Variants in RALYL observed in about 807,000 individuals in gnomAD.
RALYL encodes RNA-binding Raly-like protein.
A neutral mutation model predicts 35.1 loss-of-function variants in RALYL; 29 were observed. The ratio of observed to expected loss-of-function variants is 0.83; its 90% CI spans 0.61 to 1.13. The LOEUF (loss-of-function observed/expected upper bound fraction) is 1.13. RALYL is among the 50% of genes most tolerant of loss of function. The pLI is 0.00. For missense variants in RALYL, 359 were observed against 360.4 expected (o/e 1.00, Z 0.03); for synonymous variants, 120 against 127.6 (o/e 0.94, Z 0.40).
chr8:84,623,984 CTG>C (rs1417576321), intron 2 of RALYL, among the ~76,000 whole-genome samples: 1 of 152,090 alleles, frequency 6.6e-6, no homozygotes, highest in Non-Finnish European at 1.5e-5. Flanking sequence ...GTACTATTGT[CTG>C]TGTGAAATAA....
At chr8:84,311,090 A>AAAAAAAAAAAAAAAAAAAAAAATATAT (rs1554614840) in intron 1 of RALYL, among the ~76,000 whole-genome samples, 1 of 99,720 alleles carries the variant, frequency 1.0e-5, no homozygotes, top group African/African-American at 3.6e-5. Context: ...AAAAAAAAAA[A>AAAAAAAAAAAAAAAAAAAAAAATATAT]ATGTATATTA....
chr8:84,543,667 G>C (rs2060166641), intron 2 of RALYL, among the ~76,000 whole-genome samples: 1 of 151,874 alleles, frequency 6.6e-6, no homozygotes, highest in African/African-American at 2.4e-5. Context: ...TTATGACTTT[G>C]GCTTTGACAC....
chr8:84,747,440 G>C (rs1461106242), intron 2 of RALYL, among the ~76,000 whole-genome samples: 1 of 151,770 alleles, frequency 6.6e-6, no homozygotes, highest in Non-Finnish European at 1.5e-5. Context: ...AATTTTAAGA[G>C]ATTGAATTTC....
At chr8:84,591,239 A>G (rs1813191593) in intron 2 of RALYL, among the ~76,000 whole-genome samples, 1 of 152,194 alleles carries the variant, frequency 6.6e-6, no homozygotes. Context: ...AACGTAAGTC[A>G]GTTTTATGGA....
At chr8:84,478,203 G>A (rs2053637286) in intron 1 of RALYL, among the ~76,000 whole-genome samples, 1 of 151,954 alleles carries the variant, frequency 6.6e-6, no homozygotes, top group African/African-American at 2.4e-5. Context: ...ATGCTTATTT[G>A]TAATGTTTAT....
chr8:84,256,500 A>G (rs1831233551), intron 1 of RALYL, among the ~76,000 whole-genome samples: 1 of 152,072 alleles, frequency 6.6e-6, no homozygotes, highest in Non-Finnish European at 1.5e-5. Flanking sequence ...TCCTGTCCTG[A>G]GGACTTTTAG....
chr8:84,186,728 C>A (rs1777775387), intron 1 of RALYL, among the ~76,000 whole-genome samples: 1 of 152,028 alleles, frequency 6.6e-6, no homozygotes, highest in African/African-American at 2.4e-5. Flanking sequence ...ATTCTAAGAA[C>A]CTTTAGTTAT....
intron 3 of RALYL, among the ~76,000 whole-genome samples, chr8:84,792,597 C>G (rs1245544129): frequency 6.6e-6 from 1 of 152,158 alleles, no homozygotes; most frequent in Non-Finnish European, 1.5e-5. Flanking sequence ...AGGGTGGGCC[C>G]TTCGCTGGGG....
chr8:84,429,729 G>A (rs1433748454), intron 1 of RALYL, among the ~76,000 whole-genome samples: 1 of 152,040 alleles, frequency 6.6e-6, no homozygotes, highest in African/African-American at 2.4e-5. Flanking sequence ...TTGGGAATTG[G>A]AGGTGGTGTC....
chr8:84,426,281 A>G (rs1470569865), intron 1 of RALYL, among the ~76,000 whole-genome samples: 1 of 152,074 alleles, frequency 6.6e-6, no homozygotes, highest in East Asian at 1.9e-4. Context: ...AATCTCATAT[A>G]CTGCACAATT....
intron 2 of RALYL, among the ~76,000 whole-genome samples, chr8:84,537,898 T>C (rs1212916355): frequency 6.6e-6 from 1 of 152,250 alleles, no homozygotes; most frequent in Non-Finnish European, 1.5e-5. Flanking sequence ...TTTCCTTAAT[T>C]CTACTTCCAA....
intron 1 of RALYL, among the ~76,000 whole-genome samples, chr8:84,202,061 T>G (rs1278395565): frequency 6.6e-6 from 1 of 152,158 alleles, no homozygotes; most frequent in East Asian, 1.9e-4. Context: ...AATATTTTAG[T>G]TGGTTCTTTT....
At chr8:84,801,613 A>G (rs542247336) in intron 3 of RALYL, among the ~76,000 whole-genome samples, 1 of 152,352 alleles carries the variant, frequency 6.6e-6, no homozygotes, top group Admixed American at 6.5e-5. Context: ...AATGATAAAT[A>G]GATCATGCAT....
At chr8:84,579,480 C>G (rs1316916190) in intron 2 of RALYL, among the ~76,000 whole-genome samples, 1 of 152,214 alleles carries the variant, frequency 6.6e-6, no homozygotes, top group East Asian at 1.9e-4. Flanking sequence ...CTGTTCATGG[C>G]ACTTGCTGAC....
intron 5 of RALYL, among the ~76,000 whole-genome samples, chr8:84,853,636 AGTTT>A (rs745788855): frequency 1.3e-5 from 2 of 152,208 alleles, no homozygotes; most frequent in Non-Finnish European, 2.9e-5. Context: ...TGCTCTCGTT[AGTTT>A]ATTTTCCATT....
At position 84,352,840 on chromosome 8, in the gene RALYL, G is replaced by A. The variant is rs182794277; in HGVS notation, c.-24+168416G>A. 3.4e-4 allele frequency among the ~76,000 whole-genome samples: 51 copies of A among 150,208 alleles called. 2 individuals are homozygous for A. The highest frequency in any genetic ancestry group is 1.1e-3 in the African/African-American group (45 of 40,400). ...GGGGAACTGATAGTCAGTAGACCTA[G>A]CATTTGAACATTGAGCTCTGGACTG... On this transcript the variant is annotated intron_variant, in intron 1 of 8. Transcript: ENST00000521268.
intron 1 of RALYL, among the ~76,000 whole-genome samples, chr8:84,367,325 T>TTG (rs1485179338): frequency 6.0e-5 from 1 of 16,704 alleles, no homozygotes. Context: ...TGTATTTTTT[T>TTG]TTTTTTTTTT....
At chr8:84,902,764 C>T (rs1359407156) in intron 8 of RALYL, among the ~76,000 whole-genome samples, 1 of 152,096 alleles carries the variant, frequency 6.6e-6, no homozygotes, top group East Asian at 1.9e-4. Context: ...AGGCTCACTT[C>T]CATATCTGTT....
At chr8:84,354,668 G>T (rs1366622376) in intron 1 of RALYL, among the ~76,000 whole-genome samples, 1 of 150,294 alleles carries the variant, frequency 6.7e-6, no homozygotes, top group Non-Finnish European at 1.5e-5. Context: ...GACTTCTAGT[G>T]TTTCTCTACA....
Sources: gnomAD v4.1 joint callset for allele counts (sites outside exome capture counted in the v4.1 genomes callset) on GRCh38, gnomAD v4.1.1 for gene constraint, MANE v1.5 for transcripts, NCBI Gene and HGNC (gene_info 2026-07-23, HGNC 2026-07-21) for gene names.